The following CBX3 variants were observed in gnomAD, a reference collection of about 807,000 sequenced individuals.
CBX3 encodes the protein chromobox protein homolog 3.
CBX3 carries 5 observed loss-of-function variants against 22.6 expected under a neutral mutation model. That is an observed-to-expected ratio of 0.22 (90% CI 0.12 to 0.47). CBX3 has a LOEUF of 0.47. CBX3 is among the 20% of genes least tolerant of loss of function. The pLI is 0.99. For synonymous variants in CBX3, 50 were observed against 66.6 expected (o/e 0.75, Z 1.21); for missense variants, 83 against 208.1 (o/e 0.40, Z 3.70).
At chr7:26,202,515 T>C (rs1784548460) in intron 1 of CBX3, 1 of 153,858 alleles carries the variant, frequency 6.5e-6, no homozygotes, top group Admixed American at 6.5e-5. Context: ...TTTTTTCCTT[T>C]TGTTATTTAA....
chr7:26,207,322 C>T (rs1252073572), intron 3 of CBX3, among the ~76,000 whole-genome samples: 1 of 152,158 alleles, frequency 6.6e-6, no homozygotes, highest in Non-Finnish European at 1.5e-5. Context: ...CCTGTTTTAT[C>T]CTTCAGTATT....
Position 26,212,938 on chromosome 7 carries a change from T to TTTTA in CBX3, c.*731_*734dup, listed in dbSNP as rs1784842874. 1 of 152,284 alleles carries TTTTA rather than the reference T, an allele frequency of 6.6e-6. No individual in the cohort carries two copies. The allele number at this position is 152,284 out of a possible 1,614,324, so 9.4% of individuals were successfully genotyped here. A position where few individuals can be genotyped will look rare whatever the true frequency, so the allele number is the denominator to read the frequency against. On this transcript the variant is annotated 3_prime_UTR_variant, in exon 6 of 6. Transcript: ENST00000396386. Reference sequence around the variant, plus strand: ...AGGAAACTAGACAAATGCTAGTGTGTTTTAACTAGCTAAACAAAACTAAGT... The same window carrying TTTTA: ...AGGAAACTAGACAAATGCTAGTGTGTTTTATTTAACTAGCTAAACAAAACTAAGT...
At chr7:26,203,965 T>A (rs1784613277) in intron 2 of CBX3, among the ~76,000 whole-genome samples, 1 of 152,216 alleles carries the variant, frequency 6.6e-6, no homozygotes, top group Admixed American at 6.5e-5. Context: ...TTGGGGTCTG[T>A]TATTGTATTT....
In CBX3 at chr7:26,213,492, T is replaced by TA. The variant is rs1784861586; in HGVS notation, c.*1285dup. ...GTACATATCCTAGATCTTTTGAGCT[T>TA]ACGAGTTTTAAACTTGAATATGTAT... is the stretch of plus-strand genomic sequence containing the variant. On this transcript the variant is annotated 3_prime_UTR_variant, in exon 6 of 6. Transcript: ENST00000396386. 1 of 152,190 alleles carries TA rather than the reference T, an allele frequency of 6.6e-6. No homozygotes were observed. The highest frequency in any genetic ancestry group is 1.5e-5 in the Non-Finnish European group (1 of 68,036). The allele number at this position is 152,190 out of a possible 1,614,324, so 9.4% of individuals were successfully genotyped here.
intron 3 of CBX3, 145 bp from the exon 4 acceptor site, chr7:26,208,248 T>G (rs1584038782): frequency 1.9e-6 from 1 of 531,318 alleles, no homozygotes; most frequent in Non-Finnish European, 3.2e-6. Flanking sequence ...GGGGGTGGGG[T>G]AATGTAGGGA....
chr7:26,203,076 C>A, intron 2 of CBX3, 54 bp downstream of exon 2: 2 of 1,192,154 alleles, frequency 1.7e-6, no homozygotes, highest in South Asian at 1.3e-5. Flanking sequence ...TTTTTTTTCC[C>A]CACAGTATAA....
chr7:26,211,659 C>T lies in CBX3; in HGVS notation c.331-3C>T. On this transcript the variant is annotated splice_region_variant and splice_polypyrimidine_tract_variant and intron_variant, in intron 4 of 5. Coordinates refer to ENST00000396386, the MANE Select transcript of CBX3 (RefSeq NM_016587.4). Reference sequence around the variant, plus strand: ...GCTGTATGAAAAAATGTCTTCTAAACAGGCTGACAAACCAAGAGGATTTGC... The same window carrying T: ...GCTGTATGAAAAAATGTCTTCTAAATAGGCTGACAAACCAAGAGGATTTGC... 6.4e-7 allele frequency: 1 copy of T among 1,564,564 alleles called. No homozygotes were observed.
intron 4 of CBX3, 51 bp downstream of exon 4, chr7:26,208,606 G>C: frequency 6.7e-7 from 1 of 1,498,146 alleles, no homozygotes. Context: ...AAGGTTGATG[G>C]CTTGATTTCT....
chr7:26,206,567 A>C, intron 3 of CBX3, 57 bp downstream of exon 3: 1 of 1,557,470 alleles, frequency 6.4e-7, no homozygotes. Context: ...GTGGTTTTAG[A>C]ATTTGTTTTT....
chr7:26,201,528 C>T (rs1213725179), upstream of CBX3: 1 of 151,904 alleles, frequency 6.6e-6, no homozygotes, highest in African/African-American at 2.4e-5. Context: ...CCCTTCCCTC[C>T]CCTTGGGGAC....
chr7:26,203,765 A>G (rs976419348), intron 2 of CBX3, among the ~76,000 whole-genome samples: 7 of 152,226 alleles, frequency 4.6e-5, no homozygotes, highest in Non-Finnish European at 1.0e-4. Flanking sequence ...TCTCCTAGGT[A>G]AAATAAAGCA....
intron 4 of CBX3, chr7:26,210,696 G>A (rs1044733127): frequency 6.6e-6 from 1 of 151,986 alleles, no homozygotes; most frequent in African/African-American, 2.4e-5. Context: ...ACTAACAGTA[G>A]AAATTAAAAC....
In CBX3 at chr7:26,210,745, G is replaced by C. The variant is rs535527230; in HGVS notation, c.331-917G>C. 1.7e-4 allele frequency among the ~76,000 whole-genome samples: 26 copies of C among 152,292 alleles called. No homozygotes were observed. In the South Asian group the frequency reaches 2.3e-3, roughly 13 times the overall value. On this transcript the variant is annotated intron_variant, in intron 4 of 5. Transcript: ENST00000396386. The stretch of plus-strand genomic sequence containing the variant: ...GACTTTTCTAAAAAAGCTGAGAAGA[G>C]TAGCATTTTACATTTTTACAGATAT...
intron 3 of CBX3, among the ~76,000 whole-genome samples, chr7:26,207,114 C>T (rs755986304): frequency 6.6e-6 from 1 of 152,164 alleles, no homozygotes; most frequent in Non-Finnish European, 1.5e-5. Context: ...ATTCTTCCCC[C>T]TTACACCACA....
chr7:26,204,554 A>G (rs1364709987), intron 2 of CBX3, among the ~76,000 whole-genome samples: 1 of 151,924 alleles, frequency 6.6e-6, no homozygotes, highest in Admixed American at 6.6e-5. Context: ...GGGGATTTTT[A>G]TTTTGTGTGT....
intron 2 of CBX3, among the ~76,000 whole-genome samples, chr7:26,205,876 A>G (rs1334281894): frequency 6.6e-6 from 1 of 152,236 alleles, no homozygotes; most frequent in Non-Finnish European, 1.5e-5. Context: ...ACTTCAGGTC[A>G]GGAGTTTGAG....
At chr7:26,204,371 A>G (rs753393352) in intron 2 of CBX3, among the ~76,000 whole-genome samples, 4 of 151,878 alleles carry the variant, frequency 2.6e-5, no homozygotes, top group South Asian at 2.1e-4. Flanking sequence ...ACTTCTGTCT[A>G]TTACAGTTTG....
intron 5 of CBX3, 97 bp from the exon 6 acceptor site, chr7:26,211,985 A>G (rs891897556): frequency 2.5e-5 from 29 of 1,157,446 alleles, no homozygotes; most frequent in African/African-American, 2.4e-4. Context: ...GAGCACTTCA[A>G]TACCTTTTGT....
Position 26,208,552 on chromosome 7 carries a change from T to C in CBX3, c.327T>C (p.Asp109=). 1 of 1,603,368 alleles carries C rather than the reference T, an allele frequency of 6.2e-7. No individual in the cohort carries two copies. The highest frequency in any genetic ancestry group is 1.7e-4 in the Middle Eastern group (1 of 6,026). Residue 109 remains aspartate, a synonymous_variant, in exon 4 of 6, where the codon GAT becomes GAC. Transcript: ENST00000396386. The part of the protein sequence containing the change: ...SDDSKSKKKR[D]AADKPRGFAR... ...ACAGCAAATCAAAGAAGAAAAGAGA[T>C]GCTGTAAGTATAAAATATTGCCCAC...
Sources: allele counts gnomAD v4.1 joint callset (sites outside exome capture counted in the v4.1 genomes callset), GRCh38; gene constraint gnomAD v4.1.1; transcripts MANE v1.5; gene names NCBI Gene and HGNC (gene_info 2026-07-23, HGNC 2026-07-21).